FSIP2: variants seen among roughly 807,000 people sequenced by gnomAD.
The protein encoded by FSIP2 is fibrous sheath-interacting protein 2.
Under a neutral mutation model 510.5 loss-of-function variants are expected in FSIP2, and 367 were observed. The ratio of observed to expected loss-of-function variants is 0.72; its 90% CI spans 0.66 to 0.78. The LOEUF (loss-of-function observed/expected upper bound fraction) is 0.78, where lower values mean the gene tolerates loss of function less well. Ranked by LOEUF, FSIP2 falls within the 30% of genes least tolerant of loss-of-function variation. FSIP2 has a pLI of 0.00. For missense variants in FSIP2, 7,594 were observed against 7,901.7 expected, an observed-to-expected ratio of 0.96 and a Z score of 1.48; for synonymous variants, 2,601 against 2,732.2, an observed-to-expected ratio of 0.95 and a Z score of 1.50.
At chr2:185,739,545 C>T in intron 2 of FSIP2, 74 bp downstream of exon 2, 1 of 1,268,506 alleles carries the variant, frequency 7.9e-7, no homozygotes, top group Non-Finnish European at 1.0e-6. Context: ...CTGCATCATA[C>T]AAAATTCATT....
At chr2:185,747,259 A>T (rs1173644739) in intron 6 of FSIP2, 54 bp from the exon 7 acceptor site, 2 of 985,664 alleles carry the variant, frequency 2.0e-6, no homozygotes, top group African/African-American at 1.6e-5. Context: ...CAAAATACAA[A>T]GATATTGTTG....
chr2:185,808,877 A>G lies in FSIP2; in HGVS notation c.19571A>G (p.His6524Arg). The G allele has an allele frequency of 6.2e-7, 1 of 1,609,006 alleles. No individual in the cohort carries two copies. The highest frequency in any genetic ancestry group is 1.1e-5 in the South Asian group (1 of 89,728). Residue 6524 changes from histidine to arginine, a missense_variant, in exon 17 of 23, where the codon CAT becomes CGT. Transcript: ENST00000424728. ...EEESPIKIVP[H>R]VGKKPVKIDP... ...GAATCTCCAATTAAAATAGTTCCAC[A>G]TGTTGGAAAAAAACCAGTCAAAATA...
At position 185,794,200 on chromosome 2, in the gene FSIP2, T is replaced by C. The variant is rs770416693; in HGVS notation, c.7064T>C (p.Ile2355Thr). The part of the protein sequence containing the change: ...QARLKTYADV[I>T]ASAILKLIKN... ...AGGCTTAAGACATATGCTGACGTCA[T>C]TGCCAGTGCCATTTTGAAGCTTATT... The change falls in exon 16 of 23, where the codon ATT becomes ACT. Residue 2355 changes from isoleucine to threonine, a missense_variant. Physicochemically the swap from Ile to Thr is moderately conservative, Grantham distance 89. Transcript: ENST00000424728. The C allele has an allele frequency of 1.3e-6, 2 of 1,534,544 alleles. No individual in the cohort carries two copies. Among genetic ancestry groups the C allele is most frequent in the African/African-American group, 2.7e-5 (2 of 72,894 alleles).
chr2:185,778,111 CA>C (rs1422591997), intron 13 of FSIP2, among the ~76,000 whole-genome samples: 1 of 151,874 alleles, frequency 6.6e-6, no homozygotes, highest in African/African-American at 2.4e-5. Context: ...TCTAAATTTT[CA>C]GATATATTTG....
chr2:185,756,276 A>T lies in FSIP2; in HGVS notation c.1076A>T (p.His359Leu). 8.6e-7 allele frequency: 1 copy of T among 1,158,366 alleles called. No individual in the cohort carries two copies. Among genetic ancestry groups the T allele is most frequent in the Non-Finnish European group, 1.2e-6 (1 of 840,610 alleles). 71.8% of individuals were successfully genotyped at this position (1,158,366 alleles called of 1,614,324 possible). The change falls in exon 9 of 23, where the codon CAT becomes CTT. Residue 359 changes from histidine (H) to leucine (L), a missense_variant and splice_region_variant. By Grantham distance (99) the His-to-Leu change is moderately conservative (BLOSUM62 -3). Transcript: ENST00000424728. Reference protein sequence around the residue: ...AGDQNTYKETHGHTANAAHQR... With the variant: ...AGDQNTYKETLGHTANAAHQR... ...GACCAGAATACATATAAAGAAACAC[A>T]TGGTAATTGAATATTGTGACAAGAA...
chr2:185,799,831 C>T lies in FSIP2; in HGVS notation c.10525C>T (p.His3509Tyr). ...ACATCTCACTGAGTCAGTACTTTAC[C>T]ATTTAACTTCGAGCATTTCTGATGG... Reference protein sequence around the residue: ...CEHLTESVLYHLTSSISDGTK... With the variant: ...CEHLTESVLYYLTSSISDGTK... Residue 3509 changes from histidine (H) to tyrosine (Y), a missense_variant, in exon 17 of 23, where the codon CAT (histidine) becomes TAT (tyrosine). Coordinates refer to ENST00000424728, the MANE Select transcript of FSIP2 (RefSeq NM_173651.4). The T allele has an allele frequency of 6.5e-7, 1 of 1,531,984 alleles. No individual in the cohort carries two copies. The highest frequency in any genetic ancestry group is 1.2e-5 in the South Asian group (1 of 83,788). The allele number at this position is 1,531,984 out of a possible 1,614,324, so 94.9% of individuals were successfully genotyped here.
Position 185,798,228 on chromosome 2 carries a change from C to A in FSIP2, c.10390+702C>A, listed in dbSNP as rs147677804. ...GATGTGCAGTTAACTGATTAAAAGTCATTTAATTTTTGTATTCTTGAAGGC... is the reference window on the plus strand; with the variant it reads ...GATGTGCAGTTAACTGATTAAAAGTAATTTAATTTTTGTATTCTTGAAGGC... On this transcript the variant is annotated intron_variant, in intron 16 of 22. Coordinates refer to ENST00000424728, the MANE Select transcript of FSIP2 (RefSeq NM_173651.4). Among the ~76,000 whole-genome samples, 1,044 of 151,876 alleles carry A rather than the reference C, an allele frequency of 6.9e-3. 18 individuals carry two copies. The highest frequency in any genetic ancestry group is 0.024 in the African/African-American group (1,010 of 41,478).
Position 185,805,469 on chromosome 2 carries a change from C to A in FSIP2, c.16163C>A (p.Ala5388Glu). 1 of 1,611,388 alleles carries A rather than the reference C, an allele frequency of 6.2e-7. No homozygotes were observed. The highest frequency in any genetic ancestry group is 8.5e-7 in the Non-Finnish European group (1 of 1,178,352). The change falls in exon 17 of 23, where the codon GCA becomes GAA. Residue 5388 changes from alanine to glutamate, a missense_variant. Ala to Glu is a moderately radical substitution (Grantham distance 107, BLOSUM62 -1). Transcript: ENST00000424728. ...IGMIAALTQK[A>E]ISAFRIQPLF... The stretch of plus-strand genomic sequence containing the variant: ...ATGATTGCTGCTCTAACCCAGAAGG[C>A]AATATCTGCATTCAGGATTCAACCA...
chr2:185,781,059 A>ATTT, intron 13 of FSIP2, among the ~76,000 whole-genome samples: 1 of 145,588 alleles, frequency 6.9e-6, no homozygotes, highest in Non-Finnish European at 1.5e-5. Flanking sequence ...CTGTGGCATG[A>ATTT]TTTTTTTTTT....
intron 13 of FSIP2, among the ~76,000 whole-genome samples, chr2:185,771,468 T>G (rs1394694790): frequency 6.6e-6 from 1 of 152,220 alleles, no homozygotes; most frequent in African/African-American, 2.4e-5. Flanking sequence ...CTGACAAGGC[T>G]TATGCCTTGC....
chr2:185,740,846 TC>T (rs1163333638), intron 2 of FSIP2, among the ~76,000 whole-genome samples: 2 of 152,096 alleles, frequency 1.3e-5, no homozygotes, highest in Non-Finnish European at 2.9e-5. Context: ...AGGCCCCAGC[TC>T]CTAATGCCAT....
In FSIP2 at chr2:185,800,309, T is replaced by C. The variant is rs1574192190; in HGVS notation, c.11003T>C (p.Phe3668Ser). 2.6e-6 allele frequency: 4 copies of C among 1,533,228 alleles called. No individual in the cohort carries two copies. The highest frequency in any genetic ancestry group is 3.5e-6 in the Non-Finnish European group (4 of 1,145,398). 95.0% of individuals were successfully genotyped at this position (1,533,228 alleles called of 1,614,324 possible). Residue 3668 changes from phenylalanine (F) to serine (S), a missense_variant, in exon 17 of 23, where the codon TTT becomes TCT. Transcript: ENST00000424728. ...QFSTQQIGQLFQKNKLSYLAC... is the reference protein window; with the variant it reads ...QFSTQQIGQLSQKNKLSYLAC... Reference sequence around the variant, plus strand: ...TCTACTCAACAAATTGGTCAACTTTTTCAAAAAAATAAGTTAAGTTATCTT... The same window carrying C: ...TCTACTCAACAAATTGGTCAACTTTCTCAAAAAAATAAGTTAAGTTATCTT...
At chr2:185,821,387 C>A (rs909905644) in intron 19 of FSIP2, among the ~76,000 whole-genome samples, 2 of 151,892 alleles carry the variant, frequency 1.3e-5, no homozygotes, top group Non-Finnish European at 2.9e-5. Context: ...ACACTAACCC[C>A]CCTCAGACTT....
In FSIP2 at chr2:185,802,728, A is replaced by G; in HGVS notation, c.13422A>G (p.Arg4474=). 1 of 1,517,340 alleles carries G rather than the reference A, an allele frequency of 6.6e-7. No individual in the cohort carries two copies. Among genetic ancestry groups the G allele is most frequent in the Non-Finnish European group, 8.8e-7 (1 of 1,139,668 alleles). The allele number at this position is 1,517,340 out of a possible 1,614,324, so 94.0% of individuals were successfully genotyped here. A position where few individuals can be genotyped will look rare whatever the true frequency, so the allele number is the denominator to read the frequency against. The change falls in exon 17 of 23, where the codon AGA becomes AGG. Residue 4474 remains arginine, a synonymous_variant. Coordinates refer to ENST00000424728, the MANE Select transcript of FSIP2 (RefSeq NM_173651.4). ...LPYTFLEDMI[R]VLLSKLFSSA... ...ACACATTTTTAGAAGATATGATCAG[A>G]GTACTATTATCTAAATTATTTTCTT... is the stretch of plus-strand genomic sequence containing the variant.
At chr2:185,820,654 A>G (rs1220551627) in intron 19 of FSIP2, among the ~76,000 whole-genome samples, 3 of 151,708 alleles carry the variant, frequency 2.0e-5, no homozygotes, top group Non-Finnish European at 4.4e-5. Context: ...TTACAATGGG[A>G]TAAAACTAGA....
intron 8 of FSIP2, 30 bp downstream of exon 8, chr2:185,753,872 A>C: frequency 7.2e-7 from 1 of 1,385,012 alleles, no homozygotes. Context: ...AAGATGATGT[A>C]GCTAAGTAGA....
At chr2:185,773,577 T>C (rs1692655521) in intron 13 of FSIP2, among the ~76,000 whole-genome samples, 1 of 152,202 alleles carries the variant, frequency 6.6e-6, no homozygotes, top group South Asian at 2.1e-4. Flanking sequence ...TCTAATGCTG[T>C]GTCTTTGAGA....
intron 5 of FSIP2, 146 bp from the exon 6 acceptor site, chr2:185,746,523 A>G: frequency 1.7e-6 from 1 of 595,012 alleles, no homozygotes; most frequent in Non-Finnish European, 2.8e-6. Flanking sequence ...AGGTTTATAA[A>G]CAGGACTGAC....
intron 9 of FSIP2, among the ~76,000 whole-genome samples, chr2:185,760,661 T>C (rs1395953263): frequency 6.6e-6 from 1 of 150,456 alleles, no homozygotes; most frequent in Admixed American, 6.7e-5. Flanking sequence ...GCAATACCAT[T>C]GATACATGCA....
Sources: allele counts gnomAD v4.1 joint callset (sites outside exome capture counted in the v4.1 genomes callset), GRCh38; gene constraint gnomAD v4.1.1; transcripts MANE v1.5; gene names NCBI Gene and HGNC (gene_info 2026-07-23, HGNC 2026-07-21).